The following ARHGAP10 variants were observed in gnomAD, a reference collection of about 807,000 sequenced individuals.
The protein encoded by ARHGAP10 is Rho GTPase activating protein 10.
ARHGAP10 carries 87 observed loss-of-function variants against 108.6 expected under a neutral mutation model. The ratio of observed to expected loss-of-function variants is 0.80; its 90% CI spans 0.67 to 0.96. The LOEUF is 0.96. ARHGAP10 is among the 40% of genes least tolerant of loss of function. ARHGAP10 has a pLI of 0.00. For synonymous variants in ARHGAP10, 347 were observed against 341.1 expected (o/e 1.02, Z -0.19); for missense variants, 939 against 954.5 (o/e 0.98, Z 0.21).
chr4:147,927,443 T>G (rs934253293), intron 13 of ARHGAP10, among the ~76,000 whole-genome samples: 3 of 152,210 alleles, frequency 2.0e-5, no homozygotes, highest in African/African-American at 7.2e-5. Flanking sequence ...CAATACAGAA[T>G]CTGCATATGA....
intron 1 of ARHGAP10, among the ~76,000 whole-genome samples, chr4:147,786,321 AAAC>A (rs1175015495): frequency 2.0e-5 from 3 of 152,208 alleles, no homozygotes; most frequent in Non-Finnish European, 4.4e-5. Flanking sequence ...GTGAATCTGG[AAAC>A]AACAACATTC....
At chr4:147,794,759 A>G (rs1731246900) in intron 1 of ARHGAP10, among the ~76,000 whole-genome samples, 1 of 152,214 alleles carries the variant, frequency 6.6e-6, no homozygotes, top group Non-Finnish European at 1.5e-5. Context: ...GAGATGTTAA[A>G]GTAGCCCAGG....
At chr4:148,045,858 G>T (rs570150895) in intron 19 of ARHGAP10, among the ~76,000 whole-genome samples, 3 of 151,844 alleles carry the variant, frequency 2.0e-5, no homozygotes. Flanking sequence ...GTGAGGAAAC[G>T]TGAAGCTTTA....
intron 13 of ARHGAP10, among the ~76,000 whole-genome samples, chr4:147,921,429 G>A (rs1737227322): frequency 6.6e-6 from 1 of 152,198 alleles, no homozygotes; most frequent in Non-Finnish European, 1.5e-5. Flanking sequence ...AATAGGAATA[G>A]TCAGGTGGAG....
intron 15 of ARHGAP10, among the ~76,000 whole-genome samples, chr4:147,953,217 G>A (rs1560842643): frequency 6.6e-6 from 1 of 151,992 alleles, no homozygotes; most frequent in East Asian, 1.9e-4. Context: ...ATATTGGTCT[G>A]TAGTCTTCTC....
At chr4:148,016,462 C>T (rs1741349875) in intron 18 of ARHGAP10, among the ~76,000 whole-genome samples, 1 of 152,090 alleles carries the variant, frequency 6.6e-6, no homozygotes, top group Non-Finnish European at 1.5e-5. Context: ...GTGATTGTGC[C>T]ACTGCGCTCT....
rs1728476657 is a variant in ARHGAP10 at position 148,038,417 on chromosome 4, A to AT, written c.1868-8474dup. Among the ~76,000 whole-genome samples, 13 of 152,088 alleles carry AT rather than the reference A, an allele frequency of 8.5e-5. No individual in the cohort carries two copies. In the South Asian group the frequency reaches 2.7e-3, roughly 32 times the overall value. On this transcript the variant is annotated intron_variant, in intron 19 of 22. Transcript: ENST00000336498. ...TCTCATCCTACTGCAACATTTTATA[A>AT]TCCCCCCCATTTCAGGTTCTTCCTG...
intron 19 of ARHGAP10, among the ~76,000 whole-genome samples, chr4:148,034,867 A>G (rs1437683707): frequency 6.6e-6 from 1 of 152,178 alleles, no homozygotes; most frequent in Non-Finnish European, 1.5e-5. Flanking sequence ...CATGGCTGTT[A>G]TATTTTTTGT....
rs1029750375 is a variant in ARHGAP10 at position 148,065,757 on chromosome 4, G to A, written c.2272+1250G>A. On this transcript the variant is annotated intron_variant, in intron 22 of 22. Transcript: ENST00000336498. Reference sequence around the variant, plus strand: ...ACTCTGAACTCCCTCCTGCAGTATGGTTTGTGAGATAGTTACCTTGGTAGA... The same window carrying A: ...ACTCTGAACTCCCTCCTGCAGTATGATTTGTGAGATAGTTACCTTGGTAGA... 23 of 152,152 alleles carry A rather than the reference G, an allele frequency of 1.5e-4. 1 individual carries two copies. The highest frequency in any genetic ancestry group is 5.9e-5 in the Non-Finnish European group (4 of 68,022). The allele number at this position is 152,152 out of a possible 1,614,324, so 9.4% of individuals were successfully genotyped here. A position where few individuals can be genotyped will look rare whatever the true frequency, so the allele number is the denominator to read the frequency against.
At chr4:148,018,200 G>T (rs1474060626) in intron 18 of ARHGAP10, among the ~76,000 whole-genome samples, 5 of 152,118 alleles carry the variant, frequency 3.3e-5, no homozygotes, top group Non-Finnish European at 5.9e-5. Flanking sequence ...GTAATCTCTT[G>T]ATTCTCAATA....
intron 10 of ARHGAP10, among the ~76,000 whole-genome samples, chr4:147,885,901 C>A (rs1022322179): frequency 5.3e-5 from 8 of 152,148 alleles, no homozygotes; most frequent in African/African-American, 1.9e-4. Flanking sequence ...GCTCCCTAAT[C>A]CTAAAATCCG....
Position 147,954,564 on chromosome 4 carries a change from C to G in ARHGAP10, c.1392-752C>G, listed in dbSNP as rs531496464. Among the ~76,000 whole-genome samples, 3 of 151,810 alleles carry G rather than the reference C, an allele frequency of 2.0e-5. No homozygotes were observed. The East Asian group carries it at 5.8e-4, about 29-fold the overall frequency. ...GAATTTCTGAGTTACAGGATTGTAA[C>G]CTTTTAAAAGTTCTTAATATCTTGC... is the stretch of plus-strand genomic sequence containing the variant. On this transcript the variant is annotated intron_variant, in intron 15 of 22. Coordinates refer to ENST00000336498, the MANE Select transcript of ARHGAP10 (RefSeq NM_024605.4).
intron 18 of ARHGAP10, among the ~76,000 whole-genome samples, chr4:147,994,676 A>C (rs1319079417): frequency 6.6e-6 from 1 of 152,218 alleles, no homozygotes; most frequent in African/African-American, 2.4e-5. Flanking sequence ...TTATTCGTAG[A>C]TTGAAAATGG....
chr4:148,052,392 CT>C (rs35449374), intron 20 of ARHGAP10, among the ~76,000 whole-genome samples: 9,118 of 90,580 alleles, frequency 0.1, 270 homozygotes, highest in African/African-American at 0.21. Context: ...TGCACATTTG[CT>C]TTTTTTTTTT....
chr4:148,039,292 C>T (rs1295181724), intron 19 of ARHGAP10, among the ~76,000 whole-genome samples: 1 of 150,240 alleles, frequency 6.7e-6, no homozygotes, highest in Non-Finnish European at 1.5e-5. Flanking sequence ...ATTATGCCCT[C>T]ACATTTGAAG....
chr4:148,025,961 T>G (rs1156387133), intron 19 of ARHGAP10, among the ~76,000 whole-genome samples: 3 of 152,214 alleles, frequency 2.0e-5, no homozygotes, highest in East Asian at 1.9e-4. Flanking sequence ...ACAAATATGC[T>G]TCTCTCTTCC....
chr4:147,931,014 C>T (rs1180582847), intron 13 of ARHGAP10, among the ~76,000 whole-genome samples: 1 of 152,134 alleles, frequency 6.6e-6, no homozygotes, highest in African/African-American at 2.4e-5. Flanking sequence ...GTCTCTGGCT[C>T]TGGTAACACC....
intron 1 of ARHGAP10, among the ~76,000 whole-genome samples, chr4:147,818,724 G>T (rs1579079979): frequency 6.6e-6 from 1 of 152,130 alleles, no homozygotes; most frequent in African/African-American, 2.4e-5. Flanking sequence ...ACATTTAATG[G>T]ACTGCATTAA....
chr4:147,834,730 GCACACCCACCCACCTGCCCCCACCCTCAC>G (rs1733094516), intron 3 of ARHGAP10, among the ~76,000 whole-genome samples: 1 of 116,864 alleles, frequency 8.6e-6, no homozygotes, highest in African/African-American at 3.6e-5. Context: ...ACTTCCACCC[GCACACCCACCCACCTGCCCCCACCCTCAC>G]ACCCATACAC....
Sources: gnomAD v4.1 joint callset for allele counts (sites outside exome capture counted in the v4.1 genomes callset) on GRCh38, gnomAD v4.1.1 for gene constraint, MANE v1.5 for transcripts, NCBI Gene and HGNC (gene_info 2026-07-23, HGNC 2026-07-21) for gene names.